THBS4: variants seen among roughly 807,000 people sequenced by gnomAD.
THBS4 encodes the protein thrombospondin 4.
A neutral mutation model predicts 115.7 loss-of-function variants in THBS4; 90 were observed. The observed-to-expected ratio is 0.78, with a 90% CI of 0.66 to 0.93. The LOEUF (loss-of-function observed/expected upper bound fraction) is 0.93. Ranked by LOEUF, THBS4 falls within the 40% of genes least tolerant of loss-of-function variation. THBS4 has a pLI of 0.00. For missense variants in THBS4, 1,087 were observed against 1,232.7 expected (o/e 0.88, Z 1.77); for synonymous variants, 460 against 479.3 (o/e 0.96, Z 0.53).
In THBS4 at chr5:80,029,695, C is replaced by G. The variant is rs762521480; in HGVS notation, n.178-10382C>G. On this transcript the variant is annotated intron_variant and non_coding_transcript_variant, in intron 2 of 3. Coordinates refer to the THBS4 transcript ENST00000510218. ...CTACTTTGGGCCAGGCGCGGTGGCT[C>G]ACGCCTGTAATCCCAGCACTTTGGG... Among the ~76,000 whole-genome samples the G allele has an allele frequency of 2.0e-4, 30 of 151,842 alleles. 1 individual carries two copies. The highest frequency in any genetic ancestry group is 2.0e-3 in the Admixed American group (30 of 15,258).
chr5:80,058,965 C>G (rs1338150593), intron 5 of THBS4, among the ~76,000 whole-genome samples, 175 bp downstream of exon 5: 2 of 151,762 alleles, frequency 1.3e-5, no homozygotes, highest in Non-Finnish European at 2.9e-5. Context: ...AAATGGGGTC[C>G]AAGCTCGTGA....
At chr5:80,016,026 CTT>C (rs886192327) in intron 2 of THBS4, among the ~76,000 whole-genome samples, 1 of 152,156 alleles carries the variant, frequency 6.6e-6, no homozygotes, top group African/African-American at 2.4e-5. Context: ...CTGTCTGCCT[CTT>C]GGACCAGAAG....
At position 80,068,068 on chromosome 5, in the gene THBS4, C is replaced by T; in HGVS notation, c.1290C>T (p.Asn430=). The change falls in exon 10 of 22, where the codon AAC becomes AAT. Residue 430 remains asparagine (N), a synonymous_variant. Coordinates refer to ENST00000350881, the MANE Select transcript of THBS4 (RefSeq NM_003248.6). ...GAAACTGCAGAAACCCAGAGCTGAA[C>T]CCTTGCAGTGTGAATGCCCAGTGCA... ...AERNCRNPEL[N]PCSVNAQCIE... The T allele has an allele frequency of 2.5e-6, 4 of 1,614,184 alleles. No individual in the cohort carries two copies. Among genetic ancestry groups the T allele is most frequent in the Non-Finnish European group, 3.4e-6 (4 of 1,180,034 alleles).
At chr5:80,067,807 A>G (rs1031774771) in intron 9 of THBS4, 166 bp from the exon 10 acceptor site, 9 of 706,912 alleles carry the variant, frequency 1.3e-5, no homozygotes, top group Non-Finnish European at 1.8e-5. Flanking sequence ...GTTTTCATCA[A>G]CATTCACATG....
chr5:80,073,106 C>T (rs999664408), intron 14 of THBS4, among the ~76,000 whole-genome samples, 169 bp from the exon 15 acceptor site: 1 of 152,136 alleles, frequency 6.6e-6, no homozygotes, highest in African/African-American at 2.4e-5. Flanking sequence ...TTTGAAAATT[C>T]AGCATTGTGC....
upstream of THBS4, among the ~76,000 whole-genome samples, chr5:80,031,828 A>G (rs147811423): frequency 6.6e-5 from 10 of 152,246 alleles, no homozygotes; most frequent in Non-Finnish European, 4.4e-5. Context: ...AGATGTGTAC[A>G]CAGAAGAGCA....
intron 15 of THBS4, among the ~76,000 whole-genome samples, chr5:80,074,819 G>C (rs1427160986): frequency 1.3e-5 from 2 of 151,970 alleles, no homozygotes; most frequent in African/African-American, 4.8e-5. Flanking sequence ...CACCATGTTG[G>C]CCAGGCTGGT....
At chr5:80,002,351 G>T (rs1386061428) in intron 2 of THBS4, among the ~76,000 whole-genome samples, 1 of 152,016 alleles carries the variant, frequency 6.6e-6, no homozygotes, top group Non-Finnish European at 1.5e-5. Context: ...CCTAGCATTG[G>T]AGACTGACAT....
chr5:80,082,478 C>A lies in THBS4; in HGVS notation c.2757C>A (p.Gly919=). Residue 919 remains glycine (G), a synonymous_variant, in exon 21 of 22, where the codon GGC becomes GGA. Coordinates refer to ENST00000350881, the MANE Select transcript of THBS4 (RefSeq NM_003248.6). ...CCATAGACACCACAATGCGTGGAGG[C>A]CGACTTGGCGTTTTCTGCTTCTCTC... ...GVTIDTTMRG[G]RLGVFCFSQE... The A allele has an allele frequency of 1.2e-6, 2 of 1,614,218 alleles. No homozygotes were observed. The highest frequency in any genetic ancestry group is 8.5e-7 in the Non-Finnish European group (1 of 1,180,044).
intron 2 of THBS4, among the ~76,000 whole-genome samples, chr5:80,002,902 T>C (rs534739757): frequency 6.6e-6 from 1 of 151,806 alleles, no homozygotes; most frequent in South Asian, 2.1e-4. Flanking sequence ...GAGGAACTGT[T>C]ATGTTAACGA....
intron 2 of THBS4, among the ~76,000 whole-genome samples, chr5:80,043,368 G>A (rs1561305746): frequency 6.6e-6 from 1 of 152,208 alleles, no homozygotes; most frequent in African/African-American, 2.4e-5. Context: ...GCAGTGTTCA[G>A]TGGTGGCCAT....
chr5:80,059,096 C>G (rs1484200277), intron 5 of THBS4, among the ~76,000 whole-genome samples: 1 of 152,152 alleles, frequency 6.6e-6, no homozygotes, highest in African/African-American at 2.4e-5. Flanking sequence ...CTTTGGGAGG[C>G]TGAGGTGGGC....
chr5:80,014,316 C>T (rs1832205551), intron 2 of THBS4, among the ~76,000 whole-genome samples: 1 of 152,218 alleles, frequency 6.6e-6, no homozygotes, highest in African/African-American at 2.4e-5. Context: ...CCATGGTCTT[C>T]AGGTGATGTG....
At position 80,063,162 on chromosome 5, in the gene THBS4, G is replaced by C. The variant is rs571406187; in HGVS notation, c.1125+1330G>C. On this transcript the variant is annotated intron_variant, in intron 8 of 21. Transcript: ENST00000350881. ...TTACAGTCCCACCAACAGTGTAAAA[G>C]TGTTCCTATTTCTCCACATTCTCTT... Among the ~76,000 whole-genome samples the C allele has an allele frequency of 2.6e-5, 4 of 152,314 alleles. No individual in the cohort carries two copies. In the East Asian group the frequency reaches 7.7e-4, roughly 29 times the overall value.
chr5:80,067,776 C>A (rs768322625), intron 9 of THBS4, 197 bp from the exon 10 acceptor site: 88 of 558,594 alleles, frequency 1.6e-4, no homozygotes, highest in Non-Finnish European at 2.5e-4. Context: ...AGTGGCCGGA[C>A]GCAGCCTCCA....
At chr5:80,034,023 A>G (rs1832637581), upstream of THBS4, among the ~76,000 whole-genome samples, 1 of 152,196 alleles carries the variant, frequency 6.6e-6, no homozygotes. Context: ...TTGGGAGCCT[A>G]GATTCCTCTC....
At chr5:80,009,695 A>G (rs1207286756) in intron 2 of THBS4, among the ~76,000 whole-genome samples, 1 of 152,218 alleles carries the variant, frequency 6.6e-6, no homozygotes, top group African/African-American at 2.4e-5. Context: ...TCCAAAGAGA[A>G]TACATGAACT....
chr5:80,011,886 GAAAAA>G (rs549010019), intron 2 of THBS4, among the ~76,000 whole-genome samples: 1 of 148,486 alleles, frequency 6.7e-6, no homozygotes, highest in African/African-American at 2.5e-5. Context: ...TAAAAAAAAA[GAAAAA>G]AAAGAAAGAA....
At chr5:80,045,394 T>G (rs1320946266) in intron 2 of THBS4, among the ~76,000 whole-genome samples, 3 of 151,946 alleles carry the variant, frequency 2.0e-5, no homozygotes, top group African/African-American at 7.3e-5. Context: ...TAGTTCAGAG[T>G]AGTGGTTCTG....
Sources: allele counts gnomAD v4.1 joint callset (sites outside exome capture counted in the v4.1 genomes callset), GRCh38; gene constraint gnomAD v4.1.1; transcripts MANE v1.5; gene names NCBI Gene and HGNC (gene_info 2026-07-23, HGNC 2026-07-21).